INPP4B: variants seen among roughly 807,000 people sequenced by gnomAD.
INPP4B encodes the protein inositol polyphosphate-4-phosphatase type II B.
Under a neutral mutation model 122.5 loss-of-function variants are expected in INPP4B, and 55 were observed. The ratio of observed to expected loss-of-function variants is 0.45; its 90% CI spans 0.36 to 0.56. The LOEUF (loss-of-function observed/expected upper bound fraction) is 0.56. INPP4B is among the 20% of genes least tolerant of loss of function. INPP4B has a pLI of 0.00. For missense variants in INPP4B, 1,000 were observed against 1,097.7 expected, an observed-to-expected ratio of 0.91 and a Z score of 1.26; for synonymous variants, 403 against 388.7, an observed-to-expected ratio of 1.04 and a Z score of -0.43.
intron 1 of INPP4B, among the ~76,000 whole-genome samples, chr4:142,806,571 A>G (rs1325512234): frequency 2.0e-5 from 3 of 151,202 alleles, no homozygotes; most frequent in African/African-American, 7.3e-5. Context: ...GTGAAACCCC[A>G]TCTCTACAAA....
intron 3 of INPP4B, among the ~76,000 whole-genome samples, chr4:142,456,462 T>G (rs1421107980): frequency 1.3e-5 from 2 of 152,104 alleles, no homozygotes; most frequent in Non-Finnish European, 2.9e-5. Context: ...TCTTGGGCTC[T>G]CTATTCTGTT....
intron 18 of INPP4B, among the ~76,000 whole-genome samples, chr4:142,129,124 TA>T (rs751375161): frequency 5.3e-5 from 8 of 152,154 alleles, no homozygotes; most frequent in Non-Finnish European, 1.2e-4. Context: ...AGGATTCTCT[TA>T]AGGTAACAAG....
At chr4:142,584,960 C>T (rs752619391) in intron 2 of INPP4B, among the ~76,000 whole-genome samples, 16 of 152,070 alleles carry the variant, frequency 1.1e-4, no homozygotes, top group Admixed American at 2.0e-4. Context: ...AGTTATAAGC[C>T]AATTACTTCA....
rs72944991 is a variant in INPP4B at position 142,433,110 on chromosome 4, T to A, written c.-126-1725A>T. 8.2e-3 allele frequency among the ~76,000 whole-genome samples: 1,252 copies of A among 152,270 alleles called. 7 individuals are homozygous for A. Among genetic ancestry groups the A allele is most frequent in the African/African-American group, 0.029 (1,186 of 41,556 alleles). On this transcript the variant is annotated intron_variant, in intron 3 of 25. Transcript: ENST00000262992. ...ATGAGATAACCTCTTGATATTCTGT[T>A]TATTTTCACTGAGGACAAACTGAAG...
intron 5 of INPP4B, chr4:142,423,835 T>C (rs1321147950): frequency 1.1e-5 from 5 of 438,720 alleles, no homozygotes; most frequent in Admixed American, 5.1e-5. Context: ...AAAAAAAACC[T>C]TTATGTATTT....
At chr4:142,701,787 T>C (rs892250929) in intron 2 of INPP4B, among the ~76,000 whole-genome samples, 1 of 152,146 alleles carries the variant, frequency 6.6e-6, no homozygotes, top group Non-Finnish European at 1.5e-5. Flanking sequence ...TAAACCCTTC[T>C]AGACATCTAT....
chr4:142,310,781 C>A (rs901278853), intron 8 of INPP4B, among the ~76,000 whole-genome samples: 16 of 149,352 alleles, frequency 1.1e-4, no homozygotes, highest in Non-Finnish European at 4.4e-5. Flanking sequence ...AAAAATACAT[C>A]AAAAAGAAAA....
intron 2 of INPP4B, among the ~76,000 whole-genome samples, chr4:142,585,766 T>C (rs1470895785): frequency 6.6e-6 from 1 of 151,952 alleles, no homozygotes; most frequent in Non-Finnish European, 1.5e-5. Context: ...TCTCTTTCCA[T>C]GACTTGAGTT....
intron 2 of INPP4B, among the ~76,000 whole-genome samples, chr4:142,518,220 A>G (rs1825651407): frequency 6.6e-6 from 1 of 152,162 alleles, no homozygotes; most frequent in South Asian, 2.1e-4. Context: ...AACCCTAAAT[A>G]TCATTCCTCT....
chr4:142,235,598 T>C (rs898614062), intron 12 of INPP4B, among the ~76,000 whole-genome samples: 4 of 152,088 alleles, frequency 2.6e-5, no homozygotes, highest in Non-Finnish European at 5.9e-5. Context: ...ATTTTGTTTT[T>C]GTATTTTTAG....
intron 2 of INPP4B, among the ~76,000 whole-genome samples, chr4:142,498,265 A>G (rs1458143165): frequency 6.6e-6 from 1 of 151,738 alleles, no homozygotes; most frequent in Non-Finnish European, 1.5e-5. Flanking sequence ...CATCAGGGGA[A>G]TAAGTCAGTG....
In INPP4B at chr4:142,483,182, C is replaced by CTTTTTTTTTTTTTT. The variant is rs5862604; in HGVS notation, c.-190-20470_-190-20457dup. Among the ~76,000 whole-genome samples, 9 of 48,334 alleles carry CTTTTTTTTTTTTTT rather than the reference C, an allele frequency of 1.9e-4. 2 individuals are homozygous for CTTTTTTTTTTTTTT. Among genetic ancestry groups the CTTTTTTTTTTTTTT allele is most frequent in the Admixed American group, 5.9e-4 (2 of 3,406 alleles). The allele number at this position is 48,334 out of a possible 152,430, so 31.7% of individuals were successfully genotyped here. On this transcript the variant is annotated intron_variant, in intron 2 of 25. Transcript: ENST00000262992. The stretch of plus-strand genomic sequence containing the variant: ...TAATAATGACTGGAGTCAGGCTATG[C>CTTTTTTTTTTTTTT]TTTTTTTTTTTTTTTTTTTTTTTTT...
At chr4:142,604,497 C>G (rs953315260) in intron 2 of INPP4B, among the ~76,000 whole-genome samples, 3 of 152,002 alleles carry the variant, frequency 2.0e-5, no homozygotes, top group African/African-American at 7.2e-5. Flanking sequence ...CAACAGAAAA[C>G]TCCTAGAACT....
chr4:142,393,093 T>C (rs1798255033), intron 7 of INPP4B, among the ~76,000 whole-genome samples: 1 of 152,198 alleles, frequency 6.6e-6, no homozygotes. Context: ...TGACAAGAGC[T>C]GAAAGAAATG....
intron 1 of INPP4B, among the ~76,000 whole-genome samples, chr4:142,732,635 G>A (rs993341621): frequency 4.4e-4 from 66 of 150,998 alleles, no homozygotes; most frequent in Admixed American, 1.8e-3. Context: ...AAAGATGTTC[G>A]TGATATCTAC....
chr4:142,105,648 A>G (rs1786659858), intron 23 of INPP4B, among the ~76,000 whole-genome samples: 1 of 152,304 alleles, frequency 6.6e-6, no homozygotes, highest in South Asian at 2.1e-4. Context: ...GAGAAGAAAC[A>G]CTTTTTTACT....
intron 2 of INPP4B, among the ~76,000 whole-genome samples, chr4:142,621,786 ATAT>A (rs34860652): frequency 0.018 from 2,746 of 151,530 alleles, 74 homozygotes; most frequent in African/African-American, 0.062. Flanking sequence ...ATGTATAAAA[ATAT>A]TATGTAATAA....
chr4:142,085,047 C>T (rs1225889523), intron 24 of INPP4B, among the ~76,000 whole-genome samples: 1 of 152,154 alleles, frequency 6.6e-6, no homozygotes, highest in African/African-American at 2.4e-5. Context: ...CAGTATGGTG[C>T]TAAATGGAAC....
chr4:142,115,279 G>C (rs1792522014), intron 21 of INPP4B, among the ~76,000 whole-genome samples: 1 of 152,108 alleles, frequency 6.6e-6, no homozygotes, highest in South Asian at 2.1e-4. Flanking sequence ...TAGCAAGGCA[G>C]GCCAACATTC....
Sources: allele counts gnomAD v4.1 joint callset (sites outside exome capture counted in the v4.1 genomes callset), GRCh38; gene constraint gnomAD v4.1.1; transcripts MANE v1.5; gene names NCBI Gene and HGNC (gene_info 2026-07-23, HGNC 2026-07-21).